Variants in EPC2 observed in about 807,000 individuals in gnomAD.
The protein encoded by EPC2 is enhancer of polycomb 2, also known as enhancer of polycomb homolog 2.
Under a neutral mutation model 92.1 loss-of-function variants are expected in EPC2, and 14 were observed. The ratio of observed to expected loss-of-function variants is 0.15; its 90% CI spans 0.10 to 0.24. The LOEUF (loss-of-function observed/expected upper bound fraction) is 0.24. Among genes scored for constraint, EPC2 ranks in the 10% least tolerant of loss-of-function variants. The pLI, the probability that EPC2 is intolerant of heterozygous loss-of-function variation, is 1.00. For missense variants in EPC2, 755 were observed against 971.5 expected, an observed-to-expected ratio of 0.78 and a Z score of 2.96; for synonymous variants, 340 against 334.7, an observed-to-expected ratio of 1.02 and a Z score of -0.17.
intron 12 of EPC2, 93 bp downstream of exon 12, chr2:148,783,849 T>A: frequency 8.0e-7 from 1 of 1,249,240 alleles, no homozygotes; most frequent in Non-Finnish European, 1.1e-6. Flanking sequence ...AAGGGGAAAA[T>A]GTGTATAAGT....
At chr2:148,740,371 C>T (rs530221696) in intron 2 of EPC2, among the ~76,000 whole-genome samples, 25 of 151,662 alleles carry the variant, frequency 1.6e-4, no homozygotes, top group Non-Finnish European at 2.7e-4. Context: ...GGCACCTGTA[C>T]CTGGTTTAAA....
chr2:148,726,491 G>A (rs555275134), intron 2 of EPC2, among the ~76,000 whole-genome samples: 1 of 152,198 alleles, frequency 6.6e-6, no homozygotes, highest in African/African-American at 2.4e-5. Flanking sequence ...TAGTTTGATA[G>A]TGGCCATCCT....
intron 1 of EPC2, among the ~76,000 whole-genome samples, chr2:148,689,468 A>G (rs1253556420): frequency 2.0e-5 from 3 of 152,046 alleles, no homozygotes; most frequent in African/African-American, 7.2e-5. Flanking sequence ...ATGAGCCACC[A>G]CCCAGCCATT....
chr2:148,768,380 C>T (rs1159964725), intron 7 of EPC2, among the ~76,000 whole-genome samples: 2 of 152,146 alleles, frequency 1.3e-5, no homozygotes, highest in Admixed American at 6.5e-5. Context: ...AAAGCGTGCT[C>T]TAATAGGTCA....
At chr2:148,664,992 A>G (rs1681030737) in intron 1 of EPC2, among the ~76,000 whole-genome samples, 1 of 152,232 alleles carries the variant, frequency 6.6e-6, no homozygotes, top group Non-Finnish European at 1.5e-5. Flanking sequence ...TTTAACTTTA[A>G]AAAGGATCAA....
At chr2:148,738,552 G>A (rs563523021) in intron 2 of EPC2, among the ~76,000 whole-genome samples, 5 of 152,304 alleles carry the variant, frequency 3.3e-5, no homozygotes. Context: ...TATGCTATAT[G>A]TGCAGTTGCA....
chr2:148,776,856 C>CTTTTTGTTTT (rs1683655297), intron 10 of EPC2, among the ~76,000 whole-genome samples: 1 of 101,042 alleles, frequency 9.9e-6, no homozygotes, highest in Non-Finnish European at 1.9e-5. Flanking sequence ...GTCTCTCTCT[C>CTTTTTGTTTT]TTTTTTTTTT....
At chr2:148,722,519 AAGTAAC>A (rs1574604895) in intron 2 of EPC2, among the ~76,000 whole-genome samples, 2 of 152,194 alleles carry the variant, frequency 1.3e-5, no homozygotes, top group East Asian at 3.8e-4. Flanking sequence ...AAAAGTCAAA[AAGTAAC>A]AGATGCTGGT....
intron 1 of EPC2, among the ~76,000 whole-genome samples, chr2:148,676,887 A>G (rs1443244624): frequency 6.6e-6 from 1 of 151,016 alleles, no homozygotes; most frequent in Non-Finnish European, 1.5e-5. Context: ...GGGGGGTTGA[A>G]TTCCATAAAC....
At chr2:148,770,332 A>G (rs189933724) in intron 8 of EPC2, among the ~76,000 whole-genome samples, 1 of 152,124 alleles carries the variant, frequency 6.6e-6, no homozygotes, top group Non-Finnish European at 1.5e-5. Context: ...GAACCACTGC[A>G]TCCTGCTTGG....
chr2:148,769,199 C>T lies in EPC2; in HGVS notation c.1189C>T (p.Pro397Ser), dbSNP rs1203720623. The T allele has an allele frequency of 1.2e-6, 2 of 1,612,530 alleles. No individual in the cohort carries two copies. Among genetic ancestry groups the T allele is most frequent in the East Asian group, 2.2e-5 (1 of 44,864 alleles). The change falls in exon 8 of 14, where the codon CCC (proline) becomes TCC (serine). Residue 397 changes from proline (P) to serine (S), a missense_variant. Coordinates refer to ENST00000258484, the MANE Select transcript of EPC2 (RefSeq NM_015630.4). ...GGAAGAAGAAAATGATCCTGATGGT[C>T]CCTGTGCTTTCAGAAGGCGGGCAGG... Reference protein sequence around the residue: ...EPEEENDPDGPCAFRRRAGCQ... With the variant: ...EPEEENDPDGSCAFRRRAGCQ...
At chr2:148,690,485 A>C in intron 2 of EPC2, 112 bp downstream of exon 2, 1 of 948,334 alleles carries the variant, frequency 1.1e-6, no homozygotes, top group Non-Finnish European at 1.5e-6. Context: ...ACACTGATTA[A>C]TAGATATGTT....
chr2:148,731,859 T>C (rs1260546930), intron 2 of EPC2, among the ~76,000 whole-genome samples: 4 of 152,262 alleles, frequency 2.6e-5, no homozygotes, highest in Non-Finnish European at 5.9e-5. Context: ...ATCTGTATCT[T>C]TGCTCCCCTT....
intron 1 of EPC2, among the ~76,000 whole-genome samples, chr2:148,656,353 A>G (rs772088831): frequency 6.6e-6 from 1 of 152,166 alleles, no homozygotes; most frequent in Non-Finnish European, 1.5e-5. Context: ...TGCATTGTGC[A>G]TAGTGCTTGT....
In EPC2 at chr2:148,781,795, TC is replaced by T; in HGVS notation, c.1857+16del. 6.2e-7 allele frequency: 1 copy of T among 1,613,092 alleles called. No homozygotes were observed. The highest frequency in any genetic ancestry group is 1.3e-5 in the African/African-American group (1 of 75,016). The stretch of plus-strand genomic sequence containing the variant: ...CAAAAGCACAGGTAAACTGCTCTTT[TC>T]GTCATAGTTACGTTTGTTTCTTTCA... On this transcript the variant is annotated intron_variant, in intron 11 of 13. Transcript: ENST00000258484.
At chr2:148,725,199 T>G (rs1449216587) in intron 2 of EPC2, among the ~76,000 whole-genome samples, 1 of 152,112 alleles carries the variant, frequency 6.6e-6, no homozygotes, top group Non-Finnish European at 1.5e-5. Flanking sequence ...TTTTACTTTT[T>G]ATTTTGAGAC....
In EPC2 at chr2:148,785,037, G is replaced by A. The variant is rs755234486; in HGVS notation, c.2351+36G>A. Reference sequence around the variant, plus strand: ...GTGTTTCAGTGATTTTTCTCCCTTTGTGCTGGCTGTCCTGTGGGAAGAAAA... The same window carrying A: ...GTGTTTCAGTGATTTTTCTCCCTTTATGCTGGCTGTCCTGTGGGAAGAAAA... On this transcript the variant is annotated intron_variant, in intron 13 of 13. Transcript: ENST00000258484. 4.1e-6 allele frequency: 6 copies of A among 1,451,798 alleles called. No individual in the cohort carries two copies. In the African/African-American group the frequency reaches 7.2e-5, roughly 17 times the overall value. The allele number at this position is 1,451,798 out of a possible 1,614,324, so 89.9% of individuals were successfully genotyped here.
chr2:148,721,890 CTTTTT>C lies in EPC2; in HGVS notation c.314-21719_314-21715del. 3.8e-4 allele frequency among the ~76,000 whole-genome samples: 23 copies of C among 60,774 alleles called. 2 individuals are homozygous for C. The South Asian group carries it at 6.5e-3, about 17-fold the overall frequency. 39.9% of individuals were successfully genotyped at this position (60,774 alleles called of 152,430 possible). On this transcript the variant is annotated intron_variant, in intron 2 of 13. Transcript: ENST00000258484. Reference sequence around the variant, plus strand: ...TTTGTTTCTTTTTCTGTTTTGATTTCTTTTTTTTTTTTTTTTTCAGAATTCTCATC... The same window carrying C: ...TTTGTTTCTTTTTCTGTTTTGATTTCTTTTTTTTTTTTCAGAATTCTCATC...
At chr2:148,675,377 TTTC>T (rs1191191537) in intron 1 of EPC2, among the ~76,000 whole-genome samples, 1 of 152,180 alleles carries the variant, frequency 6.6e-6, no homozygotes, top group African/African-American at 2.4e-5. Flanking sequence ...TTCTTGAACA[TTTC>T]TTTTTTCTCC....
Sources: allele counts gnomAD v4.1 joint callset (sites outside exome capture counted in the v4.1 genomes callset), GRCh38; gene constraint gnomAD v4.1.1; transcripts MANE v1.5; gene names NCBI Gene and HGNC (gene_info 2026-07-23, HGNC 2026-07-21).